RPS6KA2: variants seen among roughly 807,000 people sequenced by gnomAD.
RPS6KA2 encodes the protein ribosomal protein S6 kinase alpha-2.
Under a neutral mutation model 91.8 loss-of-function variants are expected in RPS6KA2, and 42 were observed. That is an observed-to-expected ratio of 0.46 (90% CI 0.36 to 0.59). The LOEUF is 0.59. Among genes scored for constraint, RPS6KA2 ranks in the 20% least tolerant of loss-of-function variants. The probability of loss-of-function intolerance (pLI) is 0.00; values close to 1 mark genes in which losing one functional copy is unlikely to be tolerated. For missense variants in RPS6KA2, 798 were observed against 978.5 expected (o/e 0.82, Z 2.46); for synonymous variants, 414 against 393.6 (o/e 1.05, Z -0.61).
chr6:166,600,577 C>T (rs1785699217), intron 1 of RPS6KA2, among the ~76,000 whole-genome samples: 1 of 152,196 alleles, frequency 6.6e-6, no homozygotes, highest in Non-Finnish European at 1.5e-5. Context: ...TCCTTTAGTG[C>T]AGGAAGTCCA....
At chr6:166,773,965 T>A (rs1778547598) in intron 2 of RPS6KA2, among the ~76,000 whole-genome samples, 1 of 152,226 alleles carries the variant, frequency 6.6e-6, no homozygotes, top group Non-Finnish European at 1.5e-5. Flanking sequence ...TTTGTGTGTT[T>A]CATTGATTTG....
chr6:166,678,601 C>T (rs1217515938), intron 2 of RPS6KA2, among the ~76,000 whole-genome samples: 5 of 152,216 alleles, frequency 3.3e-5, no homozygotes, highest in Admixed American at 6.5e-5. Context: ...AGATCGTTTA[C>T]GTCTACTTAC....
At chr6:166,613,724 C>T (rs1786284068) in intron 1 of RPS6KA2, among the ~76,000 whole-genome samples, 1 of 152,166 alleles carries the variant, frequency 6.6e-6, no homozygotes, top group African/African-American at 2.4e-5. Flanking sequence ...GATCCCATCA[C>T]TCCCTTATGT....
At chr6:166,858,678 C>G (rs1379130625) in intron 1 of RPS6KA2, among the ~76,000 whole-genome samples, 1 of 152,214 alleles carries the variant, frequency 6.6e-6, no homozygotes, top group African/African-American at 2.4e-5. Flanking sequence ...CCCATGAGAA[C>G]GGAACCAAAT....
intron 2 of RPS6KA2, among the ~76,000 whole-genome samples, chr6:166,532,754 C>T (rs1312474467): frequency 3.9e-5 from 6 of 152,170 alleles, no homozygotes; most frequent in African/African-American, 1.4e-4. Flanking sequence ...AAAGAGGCTT[C>T]CCTCTTCCCC....
At chr6:166,558,193 T>C (rs902787452) in intron 1 of RPS6KA2, among the ~76,000 whole-genome samples, 1 of 151,824 alleles carries the variant, frequency 6.6e-6, no homozygotes, top group African/African-American at 2.4e-5. Context: ...CCCACACATA[T>C]AGAAGCTGAC....
chr6:166,860,557 A>C (rs546464183), intron 1 of RPS6KA2, among the ~76,000 whole-genome samples: 1 of 152,304 alleles, frequency 6.6e-6, no homozygotes, highest in South Asian at 2.1e-4. Context: ...ACTGGAAATA[A>C]TGTAAAGACC....
intron 2 of RPS6KA2, among the ~76,000 whole-genome samples, chr6:166,730,402 ATGT>A (rs1166322629): frequency 1.3e-5 from 2 of 152,176 alleles, no homozygotes; most frequent in Admixed American, 6.5e-5. Flanking sequence ...CATAATTTTG[ATGT>A]TGTTAAATGT....
intron 2 of RPS6KA2, among the ~76,000 whole-genome samples, chr6:166,824,373 C>T (rs1270297433): frequency 2.6e-5 from 4 of 152,226 alleles, no homozygotes; most frequent in Admixed American, 6.5e-5. Context: ...CCCCCTGGTG[C>T]CCGGCACTGC....
intron 16 of RPS6KA2, among the ~76,000 whole-genome samples, chr6:166,425,401 A>G (rs1450678134): frequency 5.3e-5 from 8 of 152,152 alleles, no homozygotes; most frequent in Non-Finnish European, 1.5e-5. Flanking sequence ...ACTAATGAGC[A>G]AAATAACCAG....
intron 2 of RPS6KA2, among the ~76,000 whole-genome samples, chr6:166,838,637 G>A (rs1031228052): frequency 4.6e-5 from 7 of 152,142 alleles, no homozygotes; most frequent in South Asian, 2.1e-4. Flanking sequence ...ATGTCCCTAC[G>A]TGTCATTAAT....
intron 2 of RPS6KA2, among the ~76,000 whole-genome samples, chr6:166,839,803 C>G: frequency 6.7e-6 from 1 of 150,220 alleles, no homozygotes; most frequent in African/African-American, 2.5e-5. Flanking sequence ...CTCCCTTGGG[C>G]TTCCACAAGG....
chr6:166,510,180 T>C, intron 4 of RPS6KA2, 97 bp downstream of exon 4: 4 of 760,962 alleles, frequency 5.3e-6, no homozygotes, highest in South Asian at 1.8e-5. Flanking sequence ...TAGGAAAGAT[T>C]TTCTTCTTTC....
intron 17 of RPS6KA2, among the ~76,000 whole-genome samples, chr6:166,422,299 C>T (rs780820664): frequency 3.6e-4 from 55 of 152,186 alleles, no homozygotes; most frequent in Non-Finnish European, 6.2e-4. Flanking sequence ...GGCTGCACAT[C>T]CGTTCACGTC....
chr6:166,684,675 G>T (rs932576451), intron 2 of RPS6KA2, among the ~76,000 whole-genome samples: 4 of 152,234 alleles, frequency 2.6e-5, no homozygotes, highest in Middle Eastern at 3.4e-3. Flanking sequence ...TGCCCCAGAG[G>T]CCCCAGGAAT....
intron 2 of RPS6KA2, among the ~76,000 whole-genome samples, chr6:166,760,087 A>G (rs1778125574): frequency 6.6e-6 from 1 of 152,230 alleles, no homozygotes; most frequent in South Asian, 2.1e-4. Context: ...GTATTGTTTC[A>G]AATACACAGG....
chr6:166,499,797 C>T (rs981708187), intron 7 of RPS6KA2, among the ~76,000 whole-genome samples: 1 of 151,158 alleles, frequency 6.6e-6, no homozygotes, highest in Non-Finnish European at 1.5e-5. Context: ...CAGACTAATA[C>T]AGGGACTTTC....
At chr6:166,556,393 G>A (rs531667533) in intron 1 of RPS6KA2, among the ~76,000 whole-genome samples, 4 of 152,296 alleles carry the variant, frequency 2.6e-5, no homozygotes, top group South Asian at 2.1e-4. Flanking sequence ...TACCTGACAT[G>A]TTAGAAATGG....
chr6:166,716,433 C>T (rs1029089552), intron 2 of RPS6KA2, among the ~76,000 whole-genome samples: 1 of 152,190 alleles, frequency 6.6e-6, no homozygotes, highest in African/African-American at 2.4e-5. Flanking sequence ...AGGACATCAT[C>T]CCAGCGGGCA....
Sources: gnomAD v4.1 joint callset for allele counts (sites outside exome capture counted in the v4.1 genomes callset) on GRCh38, gnomAD v4.1.1 for gene constraint, MANE v1.5 for transcripts, NCBI Gene and HGNC (gene_info 2026-07-23, HGNC 2026-07-21) for gene names.